DYNC2H1: variants seen among roughly 807,000 people sequenced by gnomAD.
DYNC2H1 encodes cytoplasmic dynein 2 heavy chain 1.
In DYNC2H1, 410 loss-of-function variants were observed where a neutral mutation model predicts 570.0. The ratio of observed to expected loss-of-function variants is 0.72; its 90% CI spans 0.66 to 0.78. The LOEUF is 0.78. DYNC2H1 is among the 30% of genes least tolerant of loss of function. The pLI is 0.00. For missense variants in DYNC2H1, 4,865 were observed against 5,046.4 expected (o/e 0.96, Z 1.09); for synonymous variants, 1,688 against 1,677.6 (o/e 1.01, Z -0.15).
Position 103,125,343 on chromosome 11 carries a change from G to A in DYNC2H1, c.1857+48G>A, listed in dbSNP as rs367646827. ...TACCTGCCTATTTGGAGTTCATTACGTTAAACTAGAATATGCTAAAGGCTT... is the reference window on the plus strand; with the variant it reads ...TACCTGCCTATTTGGAGTTCATTACATTAAACTAGAATATGCTAAAGGCTT... On this transcript the variant is annotated intron_variant, in intron 12 of 88. Coordinates refer to ENST00000375735, the MANE Select transcript of DYNC2H1 (RefSeq NM_001377.3). The A allele has an allele frequency of 3.9e-5, 39 of 1,010,184 alleles. No homozygotes were observed. The African/African-American group carries it at 4.8e-4, about 12-fold the overall frequency. 62.6% of individuals were successfully genotyped at this position (1,010,184 alleles called of 1,614,324 possible). A position where few individuals can be genotyped will look rare whatever the true frequency, so the allele number is the denominator to read the frequency against.
intron 82 of DYNC2H1, among the ~76,000 whole-genome samples, chr11:103,337,393 C>T (rs1044537278): frequency 6.6e-6 from 1 of 152,120 alleles, no homozygotes; most frequent in African/African-American, 2.4e-5. Context: ...GTTAGGGTCT[C>T]TATGACCAAG....
chr11:103,386,975 C>T (rs1013671831), intron 83 of DYNC2H1, among the ~76,000 whole-genome samples: 5 of 151,580 alleles, frequency 3.3e-5, no homozygotes, highest in African/African-American at 4.8e-5. Context: ...GTGCATGTGT[C>T]TTTATAGCAG....
At chr11:103,120,175 T>A (rs534309115) in intron 6 of DYNC2H1, among the ~76,000 whole-genome samples, 1 of 152,310 alleles carries the variant, frequency 6.6e-6, no homozygotes, top group Non-Finnish European at 1.5e-5. Flanking sequence ...TGTTAAACTT[T>A]AAACATAGTT....
At position 103,244,655 on chromosome 11, in the gene DYNC2H1, T is replaced by C. The variant is rs2135228503; in HGVS notation, c.9919-596T>C. 6.7e-6 allele frequency among the ~76,000 whole-genome samples: 1 copy of C among 148,424 alleles called. No homozygotes were observed. Among genetic ancestry groups the C allele is most frequent in the South Asian group, 2.1e-4 (1 of 4,778 alleles). On this transcript the variant is annotated intron_variant, in intron 64 of 88. Transcript: ENST00000375735. This position sits in a 1 kb window ranked among gnomAD's most constrained non-coding sequence, Gnocchi z 4.3. ...TATACTATATATCTCTATATAGTTA[T>C]ATACATTATAAGTACTATATATCTA...
chr11:103,348,837 G>A lies in DYNC2H1; in HGVS notation c.12040-9406G>A, dbSNP rs146583532. ...ACCTCATGGGAGGTGATTAGATTAT[G>A]GGAGGCAGTTTCCCCCAGGCTGTTC... On this transcript the variant is annotated intron_variant, in intron 82 of 88. Transcript: ENST00000375735. Among the ~76,000 whole-genome samples the A allele has an allele frequency of 9.8e-3, 1,485 of 152,170 alleles. 11 individuals carry two copies. The highest frequency in any genetic ancestry group is 0.014 in the Non-Finnish European group (977 of 68,008).
At chr11:103,409,189 T>C (rs1436138766) in intron 84 of DYNC2H1, among the ~76,000 whole-genome samples, 2 of 152,028 alleles carry the variant, frequency 1.3e-5, no homozygotes, top group African/African-American at 4.8e-5. Context: ...TTGTAACCTT[T>C]CCTTCAAGAA....
intron 34 of DYNC2H1, among the ~76,000 whole-genome samples, chr11:103,171,617 TA>T (rs1861577153): frequency 6.6e-6 from 1 of 152,200 alleles, no homozygotes; most frequent in South Asian, 2.1e-4. Context: ...TATATTGTTG[TA>T]TTATATATTA....
Position 103,209,102 on chromosome 11 carries a change from C to G in DYNC2H1, c.8455-774C>G, listed in dbSNP as rs1477978701. On this transcript the variant is annotated intron_variant, in intron 52 of 88. Transcript: ENST00000375735. This position sits in a 1 kb window ranked among gnomAD's most constrained non-coding sequence, Gnocchi z 4.2. Reference sequence around the variant, plus strand: ...CTGCATTAATGAAGACATCTTTTGGCTTACATTTTTTTTTCAGTCTGAGAA... The same window carrying G: ...CTGCATTAATGAAGACATCTTTTGGGTTACATTTTTTTTTCAGTCTGAGAA... Among the ~76,000 whole-genome samples the G allele has an allele frequency of 6.6e-6, 1 of 151,810 alleles. No homozygotes were observed. Among genetic ancestry groups the G allele is most frequent in the Non-Finnish European group, 1.5e-5 (1 of 67,952 alleles).
rs191425058 is a variant in DYNC2H1, at chr11:103,380,389, A to G, written c.12157-19274A>G. On this transcript the variant is annotated intron_variant, in intron 83 of 88. Transcript: ENST00000375735. ...GAGGAACTAATATGCAATAGGTACT[A>G]TATTAGATGCTAGTGATTTACACTA... Among the ~76,000 whole-genome samples the G allele has an allele frequency of 4.3e-4, 65 of 152,320 alleles. 2 individuals are homozygous for G. In the East Asian group the frequency reaches 0.012, roughly 29 times the overall value.
chr11:103,427,031 C>T (rs746466681), intron 84 of DYNC2H1, among the ~76,000 whole-genome samples: 19 of 152,118 alleles, frequency 1.2e-4, no homozygotes, highest in Non-Finnish European at 2.2e-4. Context: ...ATACTACTAG[C>T]TTTACAATGT....
chr11:103,324,869 C>G lies in DYNC2H1; in HGVS notation c.12039+879C>G, dbSNP rs1212428624. The stretch of plus-strand genomic sequence containing the variant: ...TCCCTTTTCTCTGCAACCTTGCCAG[C>G]ACCTGTTATTTTTTGACTTTTTAAT... On this transcript the variant is annotated intron_variant, in intron 82 of 88. Coordinates refer to ENST00000375735, the MANE Select transcript of DYNC2H1 (RefSeq NM_001377.3). The surrounding 1 kb of genome is among the most constrained non-coding windows in gnomAD (Gnocchi z 5.2). Among the ~76,000 whole-genome samples the G allele has an allele frequency of 6.6e-6, 1 of 152,192 alleles. No homozygotes were observed. The highest frequency in any genetic ancestry group is 6.5e-5 in the Admixed American group (1 of 15,286).
At chr11:103,352,858 CT>C (rs1940118101) in intron 82 of DYNC2H1, among the ~76,000 whole-genome samples, 2 of 152,156 alleles carry the variant, frequency 1.3e-5, no homozygotes, top group African/African-American at 2.4e-5. Flanking sequence ...CATATATTTA[CT>C]GTAGCACTAT....
rs2135551478 is a variant in DYNC2H1, at chr11:103,369,792, G to A, written c.12156+11433G>A. Among the ~76,000 whole-genome samples the A allele has an allele frequency of 6.6e-6, 1 of 152,258 alleles. No homozygotes were observed. Among genetic ancestry groups the A allele is most frequent in the Middle Eastern group, 3.4e-3 (1 of 294 alleles). On this transcript the variant is annotated intron_variant, in intron 83 of 88. Coordinates refer to ENST00000375735, the MANE Select transcript of DYNC2H1 (RefSeq NM_001377.3). The surrounding 1 kb of genome is among the most constrained non-coding windows in gnomAD (Gnocchi z 4.0). ...CACCTGCTAACTGAAGATCCCTTGT[G>A]CCCTGCATAACCAGCAGCAATACCC...
In DYNC2H1 at chr11:103,186,927, G is replaced by A. The variant is rs1356065396; in HGVS notation, c.6894-413G>A. Among the ~76,000 whole-genome samples, 1 of 151,766 alleles carries A rather than the reference G, an allele frequency of 6.6e-6. No individual in the cohort carries two copies. Among genetic ancestry groups the A allele is most frequent in the African/African-American group, 2.4e-5 (1 of 41,342 alleles). ...TAGTCTCCTGAAATATAGGAACCATGGTTTATTATTTTCATATTTCTAGTA... is the reference window on the plus strand; with the variant it reads ...TAGTCTCCTGAAATATAGGAACCATAGTTTATTATTTTCATATTTCTAGTA... On this transcript the variant is annotated intron_variant, in intron 42 of 88. Coordinates refer to ENST00000375735, the MANE Select transcript of DYNC2H1 (RefSeq NM_001377.3). The surrounding 1 kb of genome is among the most constrained non-coding windows in gnomAD (Gnocchi z 4.5).
At chr11:103,475,347 T>G (rs1591811769) in intron 88 of DYNC2H1, among the ~76,000 whole-genome samples, 2 of 152,194 alleles carry the variant, frequency 1.3e-5, no homozygotes, top group South Asian at 4.1e-4. Flanking sequence ...TAATAAAATT[T>G]TAGTTTCATC....
chr11:103,171,329 C>T (rs1861560465), intron 34 of DYNC2H1, among the ~76,000 whole-genome samples: 1 of 151,918 alleles, frequency 6.6e-6, no homozygotes, highest in Non-Finnish European at 1.5e-5. Context: ...GATCTTGGCT[C>T]ACTGCCACCT....
In DYNC2H1 at chr11:103,305,454, G is replaced by A. The variant is rs1220449781; in HGVS notation, c.11382+734G>A. 6.6e-6 allele frequency among the ~76,000 whole-genome samples: 1 copy of A among 152,162 alleles called. No individual in the cohort carries two copies. Among genetic ancestry groups the A allele is most frequent in the Non-Finnish European group, 1.5e-5 (1 of 68,034 alleles). ...GAAGCGTGGGGAAATTGAATTAGATGACTAGGAAAGAGCTAGGTTATGGAA... is the reference window on the plus strand; with the variant it reads ...GAAGCGTGGGGAAATTGAATTAGATAACTAGGAAAGAGCTAGGTTATGGAA... On this transcript the variant is annotated intron_variant, in intron 77 of 88. Coordinates refer to ENST00000375735, the MANE Select transcript of DYNC2H1 (RefSeq NM_001377.3). The surrounding 1 kb of genome is among the most constrained non-coding windows in gnomAD (Gnocchi z 4.3).
Position 103,203,741 on chromosome 11 carries a change from G to GT in DYNC2H1, c.8283dup (p.Gly2762TrpfsTer10), listed in dbSNP as rs1862810311. 5 of 1,611,630 alleles carry GT rather than the reference G, an allele frequency of 3.1e-6. No individual in the cohort carries two copies. Among genetic ancestry groups the GT allele is most frequent in the Non-Finnish European group, 4.2e-6 (5 of 1,178,988 alleles). On this transcript the variant is annotated frameshift_variant, in exon 51 of 89. Coordinates refer to ENST00000375735, the MANE Select transcript of DYNC2H1 (RefSeq NM_001377.3). LOFTEE classifies it high-confidence loss of function. The surrounding 1 kb of genome is among the most constrained non-coding windows in gnomAD (Gnocchi z 4.7). ...CTTAAGGATCAAGCTTCACAAGATG[G>GT]TTTTTTTGGACCAGTCTTCAATTAC...
At chr11:103,372,519 GTGTCATTTTTA>G (rs1941213070) in intron 83 of DYNC2H1, among the ~76,000 whole-genome samples, 2 of 152,060 alleles carry the variant, frequency 1.3e-5, no homozygotes, top group Non-Finnish European at 2.9e-5. Context: ...CTGTTAATGT[GTGTCATTTTTA>G]TTCATTTGTA....
Sources: allele counts gnomAD v4.1 joint callset (sites outside exome capture counted in the v4.1 genomes callset), GRCh38; gene constraint gnomAD v4.1.1; non-coding constraint Gnocchi (gnomAD v3.1); transcripts MANE v1.5; gene names NCBI Gene and HGNC (gene_info 2026-07-23, HGNC 2026-07-21).